Variants in MED13 observed in about 807,000 individuals in gnomAD.
MED13 encodes the protein mediator complex subunit 13.
In MED13, 23 loss-of-function variants were observed where a neutral mutation model predicts 225.2. The observed-to-expected ratio is 0.10, with a 90% confidence interval of 0.07 to 0.14. The LOEUF (loss-of-function observed/expected upper bound fraction) is 0.14, where lower values mean the gene tolerates loss of function less well. Among genes scored for constraint, MED13 ranks in the 10% least tolerant of loss-of-function variants. The pLI is 1.00. For missense variants in MED13, 2,197 were observed against 2,594.5 expected (o/e 0.85, Z 3.33); for synonymous variants, 942 against 889.2 (o/e 1.06, Z -1.06).
Position 61,965,300 on chromosome 17 carries a change from G to A in MED13, c.4550C>T (p.Thr1517Ile). 6.2e-7 allele frequency: 1 copy of A among 1,614,230 alleles called. No homozygotes were observed. The highest frequency in any genetic ancestry group is 2.2e-5 in the East Asian group (1 of 44,888). Residue 1517 changes from threonine (T) to isoleucine (I), a missense_variant, in exon 20 of 30, where the codon ACT (threonine) becomes ATT (isoleucine). By Grantham distance (89) the Thr-to-Ile change is moderately conservative. Coordinates refer to ENST00000397786, the MANE Select transcript of MED13 (RefSeq NM_005121.3). ...TGAAGTAGATATGGCAACACCTGAA[G>A]TCACTGTCATAGTGCTGCTCGCTGC... The part of the protein sequence containing the change: ...ASAASSTMTV[T>I]SGVAISTSVA...
At chr17:61,980,114 G>C (rs575669214) in intron 16 of MED13, among the ~76,000 whole-genome samples, 3 of 152,070 alleles carry the variant, frequency 2.0e-5, no homozygotes, top group African/African-American at 7.2e-5. Context: ...GCTTGAACCC[G>C]GGAGGTGGAG....
rs11867263 is a variant in MED13, at chr17:62,020,601, G to A, written c.1283+8940C>T. ...TCACCATGGTGGCCAGGATGGTCTC[G>A]ATCTTTTGACCTCGTGATCCTCCCG... is the stretch of plus-strand genomic sequence containing the variant. On this transcript the variant is annotated intron_variant, in intron 8 of 29. Coordinates refer to ENST00000397786, the MANE Select transcript of MED13 (RefSeq NM_005121.3). 9.6e-3 allele frequency among the ~76,000 whole-genome samples: 1,447 copies of A among 150,808 alleles called. 17 individuals are homozygous for A. The highest frequency in any genetic ancestry group is 0.032 in the South Asian group (150 of 4,746).
At chr17:62,003,916 G>A (rs2080421550) in intron 9 of MED13, 1 of 152,076 alleles carries the variant, frequency 6.6e-6, no homozygotes, top group South Asian at 2.1e-4. Context: ...AGATTTTAAG[G>A]TTAAACTGTA....
intron 8 of MED13, among the ~76,000 whole-genome samples, chr17:62,025,901 T>A (rs900339692): frequency 6.6e-6 from 1 of 152,242 alleles, no homozygotes; most frequent in Non-Finnish European, 1.5e-5. Context: ...AAAAATTACG[T>A]ATTCTTTAAT....
intron 26 of MED13, among the ~76,000 whole-genome samples, chr17:61,953,435 C>T (rs1228498697): frequency 1.3e-5 from 2 of 152,044 alleles, no homozygotes; most frequent in Non-Finnish European, 2.9e-5. Flanking sequence ...CTGGATTATC[C>T]GGGTGGGTCC....
At chr17:62,005,476 C>CA (rs1266504318) in intron 9 of MED13, 3 of 152,098 alleles carry the variant, frequency 2.0e-5, no homozygotes, top group Non-Finnish European at 4.4e-5. Context: ...CGTGGTGGTG[C>CA]ACGCCTGTAA....
chr17:61,971,030 TAATA>T (rs1347227611), intron 17 of MED13, among the ~76,000 whole-genome samples: 3 of 151,616 alleles, frequency 2.0e-5, no homozygotes, highest in Admixed American at 6.6e-5. Flanking sequence ...AAAATAATAA[TAATA>T]AATAAAATAA....
intron 9 of MED13, among the ~76,000 whole-genome samples, chr17:61,996,882 T>C (rs956364910): frequency 1.3e-5 from 2 of 152,192 alleles, no homozygotes; most frequent in East Asian, 1.9e-4. Flanking sequence ...ATGCCTAGAG[T>C]ACCTGGTACA....
intron 5 of MED13, among the ~76,000 whole-genome samples, 153 bp downstream of exon 5, chr17:62,033,634 T>C (rs1434680191): frequency 2.6e-5 from 4 of 152,256 alleles, no homozygotes; most frequent in African/African-American, 9.6e-5. Context: ...CCAGCTAAGA[T>C]GCAGCCCTTA....
At chr17:61,970,780 T>G (rs1163194010) in intron 17 of MED13, among the ~76,000 whole-genome samples, 1 of 138,226 alleles carries the variant, frequency 7.2e-6, no homozygotes, top group Non-Finnish European at 1.5e-5. Context: ...ATCCTAGCCC[T>G]TTGGGAGGGT....
chr17:62,036,698 A>G (rs1186230222), intron 3 of MED13: 4 of 152,220 alleles, frequency 2.6e-5, no homozygotes, highest in Non-Finnish European at 4.4e-5. Flanking sequence ...GATGGTAGAA[A>G]AGAGGCAAAA....
At chr17:62,038,599 C>T (rs958530395) in intron 3 of MED13, among the ~76,000 whole-genome samples, 2 of 151,946 alleles carry the variant, frequency 1.3e-5, no homozygotes, top group African/African-American at 4.8e-5. Context: ...AATAAGTTTA[C>T]TCTAGTATGT....
At chr17:62,058,755 C>G (rs1048868049) in intron 2 of MED13, among the ~76,000 whole-genome samples, 1 of 152,140 alleles carries the variant, frequency 6.6e-6, no homozygotes, top group African/African-American at 2.4e-5. Context: ...TACTAGTTAG[C>G]ACAAATCCTG....
chr17:61,949,446 C>G (rs2079878348), intron 28 of MED13, among the ~76,000 whole-genome samples: 1 of 152,140 alleles, frequency 6.6e-6, no homozygotes, highest in Non-Finnish European at 1.5e-5. Context: ...AGGCTGATCA[C>G]AAACTCCTGG....
In MED13 at chr17:62,035,483, T is replaced by C; in HGVS notation, c.596A>G (p.Gln199Arg). 6.2e-7 allele frequency: 1 copy of C among 1,610,794 alleles called. No homozygotes were observed. Among genetic ancestry groups the C allele is most frequent in the Non-Finnish European group, 8.5e-7 (1 of 1,178,566 alleles). ...LSEEHITLAQ[Q>R]SNSPFQVILC... ...TCTACCTTGAAATGGGCTATTAGAC[T>C]GTTGAGCAAGGGTGATATGCTCTTC... The change falls in exon 4 of 30, where the codon CAG becomes CGG. Residue 199 changes from glutamine (Q) to arginine (R), a missense_variant. Physicochemically the swap from Gln to Arg is conservative, Grantham distance 43. This residue lies in a region of MED13 where 884 missense variants were observed against 918.5 expected (regional missense o/e 0.96). Transcript: ENST00000397786.
chr17:62,004,693 A>G (rs986603029), intron 9 of MED13: 2 of 152,198 alleles, frequency 1.3e-5, no homozygotes, highest in Non-Finnish European at 2.9e-5. Context: ...TGTAAAGGGA[A>G]ACTATGGGAG....
chr17:62,001,451 G>A (rs1334725050), intron 9 of MED13, among the ~76,000 whole-genome samples: 1 of 152,170 alleles, frequency 6.6e-6, no homozygotes, highest in African/African-American at 2.4e-5. Context: ...ATTACTTGGT[G>A]AGTTTTTCCA....
intron 15 of MED13, among the ~76,000 whole-genome samples, chr17:61,983,593 T>C (rs182182733): frequency 5.4e-4 from 82 of 152,258 alleles, no homozygotes; most frequent in African/African-American, 1.9e-3. Context: ...GATGTTAAAA[T>C]GTGAAAAGTG....
At chr17:62,034,204 G>A (rs2080782431) in intron 4 of MED13, among the ~76,000 whole-genome samples, 1 of 152,106 alleles carries the variant, frequency 6.6e-6, no homozygotes, top group Non-Finnish European at 1.5e-5. Flanking sequence ...GTCTGCCCAG[G>A]CTGGGCATAG....
Sources: gnomAD v4.1 joint callset for allele counts (sites outside exome capture counted in the v4.1 genomes callset) on GRCh38, gnomAD v4.1.1 for gene constraint, gnomAD v4.1.1 regional missense constraint, MANE v1.5 for transcripts, NCBI Gene and HGNC (gene_info 2026-07-23, HGNC 2026-07-21) for gene names.